The following FOXP4 variants were observed in gnomAD, a reference collection of about 807,000 sequenced individuals.
FOXP4 encodes forkhead box P4.
In FOXP4, 25 loss-of-function variants were observed where a neutral mutation model predicts 82.6. The observed-to-expected ratio is 0.30, with a 90% confidence interval of 0.22 to 0.42. The LOEUF (loss-of-function observed/expected upper bound fraction) is 0.42. FOXP4 is among the 10% of genes least tolerant of loss of function. The pLI, the probability that FOXP4 is intolerant of heterozygous loss-of-function variation, is 1.00. For missense variants in FOXP4, 785 were observed against 900.9 expected, an observed-to-expected ratio of 0.87 and a Z score of 1.65; for synonymous variants, 415 against 388.2, an observed-to-expected ratio of 1.07 and a Z score of -0.81.
intron 5 of FOXP4, 146 bp downstream of exon 5, chr6:41,585,663 GA>G (rs907815151): frequency 1.4e-6 from 1 of 710,460 alleles, no homozygotes; most frequent in African/African-American, 1.8e-5. Flanking sequence ...CAGTGTGGGG[GA>G]AATGGGGATG....
intron 2 of FOXP4, among the ~76,000 whole-genome samples, chr6:41,571,506 C>T (rs924783185): frequency 3.9e-5 from 6 of 152,208 alleles, no homozygotes; most frequent in Admixed American, 3.3e-4. Flanking sequence ...GTAGGGAAGG[C>T]GTCCTGAAAT....
intron 1 of FOXP4, among the ~76,000 whole-genome samples, chr6:41,559,565 T>G (rs559338114): frequency 6.6e-6 from 1 of 152,364 alleles, no homozygotes; most frequent in South Asian, 2.1e-4. Context: ...TCGCCCTTGC[T>G]GAGTCCTTTA....
In FOXP4 at chr6:41,600,117, CCCT is replaced by C. The variant is rs1485044672; in HGVS notation, c.*1187_*1189del. On this transcript the variant is annotated 3_prime_UTR_variant, in exon 17 of 17. Coordinates refer to ENST00000307972, the MANE Select transcript of FOXP4 (RefSeq NM_001012426.2). Reference sequence around the variant, plus strand: ...GGTGGCCAAGACCTTCTCTCTCCACCCCTCCTCCATCCACCCTGAGGACCCTGG... The same window carrying C: ...GGTGGCCAAGACCTTCTCTCTCCACCCCTCCATCCACCCTGAGGACCCTGG... 1 of 152,758 alleles carries C rather than the reference CCCT, an allele frequency of 6.5e-6. No individual in the cohort carries two copies. Among genetic ancestry groups the C allele is most frequent in the Non-Finnish European group, 1.5e-5 (1 of 68,118 alleles). 9.5% of individuals were successfully genotyped at this position (152,758 alleles called of 1,614,324 possible).
intron 2 of FOXP4, among the ~76,000 whole-genome samples, chr6:41,577,658 A>T (rs1413134360): frequency 1.3e-5 from 2 of 152,226 alleles, no homozygotes; most frequent in Non-Finnish European, 2.9e-5. Flanking sequence ...GTACTGATTT[A>T]CTAATGCCCT....
intron 2 of FOXP4, among the ~76,000 whole-genome samples, chr6:41,576,051 C>A (rs929361875): frequency 9.7e-5 from 14 of 144,698 alleles, no homozygotes; most frequent in Non-Finnish European, 1.5e-5. Context: ...CACCCGCAAC[C>A]CCCCCCCCCA....
intron 2 of FOXP4, chr6:41,570,184 GC>G (rs1765119568): frequency 2.5e-6 from 1 of 402,784 alleles, no homozygotes; most frequent in African/African-American, 2.1e-5. Context: ...CTGGCTGTGT[GC>G]CCCAGATTCT....
chr6:41,601,270 C>T lies in FOXP4; in HGVS notation c.*2334C>T, dbSNP rs959709877. 6.6e-5 allele frequency: 10 copies of T among 152,334 alleles called. No individual in the cohort carries two copies. Among genetic ancestry groups the T allele is most frequent in the African/African-American group, 2.2e-4 (9 of 41,438 alleles). 9.4% of individuals were successfully genotyped at this position (152,334 alleles called of 1,614,324 possible). ...CTATACAAAGGGGACCCTGGATAGGCTGCAAGGAAAGAGGCCAAGGGCCAA... is the reference window on the plus strand; with the variant it reads ...CTATACAAAGGGGACCCTGGATAGGTTGCAAGGAAAGAGGCCAAGGGCCAA... On this transcript the variant is annotated 3_prime_UTR_variant, in exon 17 of 17. Transcript: ENST00000307972.
Position 41,585,459 on chromosome 6 carries a change from A to C in FOXP4, c.452A>C (p.Glu151Ala). 6.2e-7 allele frequency: 1 copy of C among 1,613,916 alleles called. No individual in the cohort carries two copies. The highest frequency in any genetic ancestry group is 8.5e-7 in the Non-Finnish European group (1 of 1,179,904). ...QLQEYYKKQQ[E>A]QLHLQLLTQQ... The stretch of plus-strand genomic sequence containing the variant: ...CAGGAGTACTACAAGAAGCAGCAGG[A>C]GCAGCTCCACCTGCAGCTCCTCACC... The change falls in exon 5 of 17, where the codon GAG becomes GCG. Residue 151 changes from glutamate to alanine, a missense_variant. Coordinates refer to ENST00000307972, the MANE Select transcript of FOXP4 (RefSeq NM_001012426.2).
In FOXP4 at chr6:41,597,935, C is replaced by A; in HGVS notation, c.1880C>A (p.Ser627Tyr). The A allele has an allele frequency of 6.4e-7, 1 of 1,551,480 alleles. No individual in the cohort carries two copies. Among genetic ancestry groups the A allele is most frequent in the Non-Finnish European group, 8.7e-7 (1 of 1,155,430 alleles). The part of the protein sequence containing the change: ...SNGSSSPPRL[S>Y]PPQYSHQVQV... ...GGCAGCAGCAGCCCTCCTCGCCTCT[C>A]CCCGCCCCAGTACAGGTGAGCACAC... Residue 627 changes from serine (S) to tyrosine (Y), a missense_variant, in exon 16 of 17, where the codon TCC (serine) becomes TAC (tyrosine). Physicochemically the swap from Ser to Tyr is moderately radical, Grantham distance 144 (BLOSUM62 -2). Transcript: ENST00000307972.
chr6:41,594,815 T>C (rs941269572), intron 13 of FOXP4, 55 bp from the exon 14 acceptor site: 48 of 1,604,062 alleles, frequency 3.0e-5, no homozygotes, highest in Non-Finnish European at 2.0e-5. Flanking sequence ...AGGACTATCA[T>C]GTTTGTGCTT....
In FOXP4 at chr6:41,593,729, C is replaced by T. The variant is rs1021932603; in HGVS notation, c.1537-1141C>T. 6.6e-6 allele frequency among the ~76,000 whole-genome samples: 1 copy of T among 151,956 alleles called. No homozygotes were observed. Among genetic ancestry groups the T allele is most frequent in the African/African-American group, 2.4e-5 (1 of 41,340 alleles). The stretch of plus-strand genomic sequence containing the variant: ...CCCGCCTCCCTCGTGGATTAGCAAG[C>T]GAGTCGGAAAAATACACAGGATTTA... On this transcript the variant is annotated intron_variant, in intron 13 of 16. Coordinates refer to ENST00000307972, the MANE Select transcript of FOXP4 (RefSeq NM_001012426.2). This position sits in a 1 kb window ranked among gnomAD's most constrained non-coding sequence, Gnocchi z 4.1.
intron 1 of FOXP4, among the ~76,000 whole-genome samples, chr6:41,563,796 C>T (rs1764724913): frequency 6.6e-6 from 1 of 152,158 alleles, no homozygotes; most frequent in Admixed American, 6.5e-5. Flanking sequence ...GTTCCACATC[C>T]GTGGATTCAA....
chr6:41,560,872 CA>C (rs1007290562), intron 1 of FOXP4, among the ~76,000 whole-genome samples: 2 of 152,234 alleles, frequency 1.3e-5, no homozygotes, highest in Non-Finnish European at 2.9e-5. Context: ...TGAAAAGGCA[CA>C]AAAGGTTTCT....
At chr6:41,550,565 C>T (rs1041933559) in intron 1 of FOXP4, among the ~76,000 whole-genome samples, 4 of 152,214 alleles carry the variant, frequency 2.6e-5, no homozygotes, top group Non-Finnish European at 5.9e-5. Flanking sequence ...CCCAGTATAA[C>T]CAGTAGGGCT....
rs907317362 is a variant in FOXP4 at position 41,578,156 on chromosome 6, C to A, written c.300+75C>A. The A allele has an allele frequency of 4.8e-6, 6 of 1,238,982 alleles. No homozygotes were observed. In the Admixed American group the frequency reaches 9.9e-5, roughly 20 times the overall value. 76.7% of individuals were successfully genotyped at this position (1,238,982 alleles called of 1,614,324 possible). ...CTGGCACAGAGGGAGGGCAAGGACC[C>A]GTTGGAGAACTGCTCTTGCCAGTTC... On this transcript the variant is annotated intron_variant, in intron 3 of 16. Coordinates refer to ENST00000307972, the MANE Select transcript of FOXP4 (RefSeq NM_001012426.2).
At chr6:41,590,368 G>A in intron 12 of FOXP4, 21 bp downstream of exon 12, 2 of 1,612,360 alleles carry the variant, frequency 1.2e-6, no homozygotes, top group Non-Finnish European at 1.7e-6. Flanking sequence ...CAGGTAGGAG[G>A]AGGGTGGGGA....
At chr6:41,572,939 T>G (rs564164412) in intron 2 of FOXP4, among the ~76,000 whole-genome samples, 6 of 152,288 alleles carry the variant, frequency 3.9e-5, no homozygotes, top group African/African-American at 1.4e-4. Flanking sequence ...AGAAAATACC[T>G]ATTTTTTGAC....
chr6:41,588,693 C>T lies in FOXP4; in HGVS notation c.1027C>T (p.Arg343Trp). 6.2e-7 allele frequency: 1 copy of T among 1,613,964 alleles called. No homozygotes were observed. Among genetic ancestry groups the T allele is most frequent in the Non-Finnish European group, 8.5e-7 (1 of 1,180,014 alleles). The change falls in exon 9 of 17, where the codon CGG (arginine) becomes TGG (tryptophan). Residue 343 changes from arginine to tryptophan, a missense_variant. Coordinates refer to ENST00000307972, the MANE Select transcript of FOXP4 (RefSeq NM_001012426.2). The part of the protein sequence containing the change: ...ALDDRSTAQC[R>W]VQMQVVQQLE... ...GGATGACCGGAGTACAGCCCAGTGC[C>T]GGGTACAGATGCAGGTGGTGCAGCA... is the stretch of plus-strand genomic sequence containing the variant.
At position 41,597,888 on chromosome 6, in the gene FOXP4, C is replaced by T. The variant is rs375788875; in HGVS notation, c.1833C>T (p.Pro611=). 5.5e-5 allele frequency: 88 copies of T among 1,590,572 alleles called. No individual in the cohort carries two copies. In the African/African-American group the frequency reaches 7.0e-4, roughly 13 times the overall value. Residue 611 remains proline (P), a synonymous_variant, in exon 16 of 17, where the codon CCC becomes CCT. Transcript: ENST00000307972. ...TCAGCCACGATGACGTGGGTGCCCC[C>T]GTGGAGCCGCTGCCCAGCAACGGCA... ...LPLSHDDVGA[P]VEPLPSNGSS... is the part of the protein sequence containing the mutation.
Sources: gnomAD v4.1 joint callset for allele counts (sites outside exome capture counted in the v4.1 genomes callset) on GRCh38, gnomAD v4.1.1 for gene constraint, Gnocchi (gnomAD v3.1) non-coding constraint, MANE v1.5 for transcripts, NCBI Gene and HGNC (gene_info 2026-07-23, HGNC 2026-07-21) for gene names.